Variants in GRM7 observed in about 807,000 individuals in gnomAD.
GRM7 encodes metabotropic glutamate receptor 7.
GRM7 carries 35 observed loss-of-function variants against 84.5 expected under a neutral mutation model. That is an observed-to-expected ratio of 0.41 (90% CI 0.32 to 0.55). GRM7 has a LOEUF of 0.55. Ranked by LOEUF, GRM7 falls within the 20% of genes least tolerant of loss-of-function variation. The pLI, the probability that GRM7 is intolerant of heterozygous loss-of-function variation, is 0.19. For missense variants in GRM7, 1,003 were observed against 1,194.6 expected (o/e 0.84, Z 2.36); for synonymous variants, 487 against 455.1 (o/e 1.07, Z -0.89).
At position 7,527,612 on chromosome 3, in the gene GRM7, G is replaced by A. The variant is rs1700856863; in HGVS notation, c.1516-50810G>A. On this transcript the variant is annotated intron_variant, in intron 7 of 9. Transcript: ENST00000357716. ...CATCCTTGTCTTGTTCCAGTTCTTAGGGGGAATACTTCTATCTATCTGTTG... is the reference window on the plus strand; with the variant it reads ...CATCCTTGTCTTGTTCCAGTTCTTAAGGGGAATACTTCTATCTATCTGTTG... Among the ~76,000 whole-genome samples, 3 of 151,846 alleles carry A rather than the reference G, an allele frequency of 2.0e-5. No individual in the cohort carries two copies. The South Asian group carries it at 6.2e-4, about 31-fold the overall frequency.
At chr3:6,925,843 A>G (rs945987420) in intron 1 of GRM7, among the ~76,000 whole-genome samples, 3 of 152,142 alleles carry the variant, frequency 2.0e-5, no homozygotes, top group South Asian at 4.1e-4. Context: ...GGCACTTCAG[A>G]TATTTGTAGC....
intron 9 of GRM7, among the ~76,000 whole-genome samples, chr3:7,711,593 T>C (rs1021125534): frequency 2.6e-5 from 4 of 152,212 alleles, no homozygotes; most frequent in African/African-American, 7.2e-5. Context: ...ACTCCCGTTA[T>C]AGCATTTCTC....
In GRM7 at chr3:7,000,785, C is replaced by G. The variant is rs77037239; in HGVS notation, c.519+138878C>G. Among the ~76,000 whole-genome samples the G allele has an allele frequency of 8.9e-3, 1,354 of 152,218 alleles. 26 individuals are homozygous for G. Among genetic ancestry groups the G allele is most frequent in the African/African-American group, 0.031 (1,270 of 41,512 alleles). On this transcript the variant is annotated intron_variant, in intron 1 of 9. Coordinates refer to ENST00000357716, the MANE Select transcript of GRM7 (RefSeq NM_000844.4). ...GCCATTACTTTGGAATGGGGAAAAG[C>G]AAGAGACAGAGCCACACATTGGCTC...
rs183943138 is a variant in GRM7, at chr3:7,311,305, G to T, written c.1033+4653G>T. On this transcript the variant is annotated intron_variant, in intron 4 of 9. Transcript: ENST00000357716. ...CAGATCCAGTAAATAAGTTTTCATT[G>T]TCAAAAGGAAAAGACAAACTTCCCT... 4.6e-5 allele frequency among the ~76,000 whole-genome samples: 7 copies of T among 152,200 alleles called. No individual in the cohort carries two copies. The East Asian group carries it at 1.2e-3, about 25-fold the overall frequency.
intron 1 of GRM7, among the ~76,000 whole-genome samples, chr3:7,074,485 T>G (rs2124988066): frequency 6.6e-6 from 1 of 152,334 alleles, no homozygotes; most frequent in Middle Eastern, 3.4e-3. Context: ...GTCTGTGAAT[T>G]ATTTATGTTA....
intron 1 of GRM7, among the ~76,000 whole-genome samples, chr3:7,119,665 C>A (rs528431546): frequency 8.0e-4 from 122 of 152,198 alleles, no homozygotes; most frequent in African/African-American, 2.7e-3. Context: ...CACGTTAGGC[C>A]AAATCCTGTA....
rs543431483 is a variant in GRM7, at chr3:6,891,176, C to G, written c.519+29269C>G. Among the ~76,000 whole-genome samples, 31 of 152,268 alleles carry G rather than the reference C, an allele frequency of 2.0e-4. No individual in the cohort carries two copies. The South Asian group carries it at 4.4e-3, about 21-fold the overall frequency. On this transcript the variant is annotated intron_variant, in intron 1 of 9. Transcript: ENST00000357716. ...AATACAGCACACTGATGGGTCTTGA[C>G]TCTTTATCCAATTTGCCAGTCTGTG... is the stretch of plus-strand genomic sequence containing the variant.
chr3:7,384,442 G>A (rs1384728161), intron 4 of GRM7, among the ~76,000 whole-genome samples: 3 of 152,078 alleles, frequency 2.0e-5, no homozygotes, highest in Admixed American at 6.6e-5. Context: ...TGCCAATGCT[G>A]TCCAATAGAA....
Position 7,357,197 on chromosome 3 carries a change from C to T in GRM7, c.1033+50545C>T, listed in dbSNP as rs150056778. Among the ~76,000 whole-genome samples the T allele has an allele frequency of 8.0e-3, 1,214 of 151,854 alleles. 14 individuals carry two copies. The highest frequency in any genetic ancestry group is 0.025 in the African/African-American group (1,043 of 41,402). On this transcript the variant is annotated intron_variant, in intron 4 of 9. Transcript: ENST00000357716. ...TTTCTAGCATAAGCATTTGTATAATCTAAACTCCAAGACAAATCCAATTTT... is the reference window on the plus strand; with the variant it reads ...TTTCTAGCATAAGCATTTGTATAATTTAAACTCCAAGACAAATCCAATTTT...
chr3:7,740,647 C>A lies in GRM7; in HGVS notation c.*241C>A. On this transcript the variant is annotated 3_prime_UTR_variant, in exon 10 of 10. Transcript: ENST00000357716. ...CAACTCGGCTGCAATTGTGGACCTTCCCTACCAAAGGGAGTGTTGAAACTC... is the reference window on the plus strand; with the variant it reads ...CAACTCGGCTGCAATTGTGGACCTTACCTACCAAAGGGAGTGTTGAAACTC... 1 of 378,544 alleles carries A rather than the reference C, an allele frequency of 2.6e-6. No homozygotes were observed. The allele number at this position is 378,544 out of a possible 1,614,324, so 23.4% of individuals were successfully genotyped here. A position where few individuals can be genotyped will look rare whatever the true frequency, so the allele number is the denominator to read the frequency against.
At chr3:7,476,577 G>A (rs893469943) in intron 7 of GRM7, among the ~76,000 whole-genome samples, 4 of 151,972 alleles carry the variant, frequency 2.6e-5, no homozygotes, top group Non-Finnish European at 5.9e-5. Flanking sequence ...AAAAAGAAAA[G>A]TGACTAGGAC....
At chr3:7,181,702 G>A (rs564909288) in intron 2 of GRM7, among the ~76,000 whole-genome samples, 11 of 152,064 alleles carry the variant, frequency 7.2e-5, no homozygotes, top group East Asian at 3.9e-4. Context: ...CTGACCTCCC[G>A]GGCTCAAGTC....
At chr3:7,393,773 C>CT (rs1489713358) in intron 4 of GRM7, among the ~76,000 whole-genome samples, 3 of 152,232 alleles carry the variant, frequency 2.0e-5, no homozygotes, top group South Asian at 2.1e-4. Flanking sequence ...ACACTAGTAG[C>CT]TTTTTTCCCA....
At chr3:6,867,748 T>C (rs1694984687) in intron 1 of GRM7, among the ~76,000 whole-genome samples, 1 of 152,218 alleles carries the variant, frequency 6.6e-6, no homozygotes, top group Non-Finnish European at 1.5e-5. Context: ...GGTTAATTAA[T>C]GGACCTTTTG....
chr3:6,975,685 A>G (rs1693962423), intron 1 of GRM7, among the ~76,000 whole-genome samples: 1 of 152,080 alleles, frequency 6.6e-6, no homozygotes, highest in African/African-American at 2.4e-5. Context: ...TAATAGATTT[A>G]TTCTAATATA....
At chr3:7,371,956 G>A (rs1050507954) in intron 4 of GRM7, among the ~76,000 whole-genome samples, 4 of 152,160 alleles carry the variant, frequency 2.6e-5, no homozygotes, top group African/African-American at 9.7e-5. Context: ...TAATCTTAAA[G>A]CAGTAAAAGA....
chr3:7,433,156 C>G (rs985816587), intron 5 of GRM7, among the ~76,000 whole-genome samples: 1 of 152,158 alleles, frequency 6.6e-6, no homozygotes, highest in Non-Finnish European at 1.5e-5. Flanking sequence ...AGGTGGCAGT[C>G]TCATCTTCCA....
chr3:7,247,875 C>T (rs564075426), intron 2 of GRM7, among the ~76,000 whole-genome samples: 1 of 151,954 alleles, frequency 6.6e-6, no homozygotes, highest in South Asian at 2.1e-4. Flanking sequence ...TGATAAAGTG[C>T]CAAATAAAAT....
At chr3:7,315,523 T>G (rs1001364954) in intron 4 of GRM7, among the ~76,000 whole-genome samples, 5 of 152,142 alleles carry the variant, frequency 3.3e-5, no homozygotes, top group Non-Finnish European at 7.3e-5. Flanking sequence ...AAGTTCTGAG[T>G]TAGGTGAAAA....
Sources: allele counts gnomAD v4.1 joint callset (sites outside exome capture counted in the v4.1 genomes callset), GRCh38; gene constraint gnomAD v4.1.1; transcripts MANE v1.5; gene names NCBI Gene and HGNC (gene_info 2026-07-23, HGNC 2026-07-21).